The following GPR160 variants were observed in gnomAD, a reference collection of about 807,000 sequenced individuals.
The protein encoded by GPR160 is G protein-coupled receptor 160.
In GPR160, 2 loss-of-function variants were observed where a neutral mutation model predicts 2.6. The ratio of observed to expected loss-of-function variants is 0.77; its 90% CI spans 0.32 to 2.44. The LOEUF (loss-of-function observed/expected upper bound fraction) is 2.44. GPR160 is among the 30% of genes most tolerant of loss of function. GPR160 has a pLI of 0.11. For synonymous variants in GPR160, 130 were observed against 132.2 expected (o/e 0.98, Z 0.12); for missense variants, 351 against 383.6 (o/e 0.91, Z 0.71).
intron 3 of GPR160, among the ~76,000 whole-genome samples, chr3:170,082,186 A>G (rs1475149454): frequency 6.6e-6 from 1 of 152,156 alleles, no homozygotes; most frequent in African/African-American, 2.4e-5. Context: ...GCCTTTTCCT[A>G]TGCATGTATT....
intron 2 of GPR160, among the ~76,000 whole-genome samples, chr3:170,067,212 C>G (rs771085653): frequency 6.6e-6 from 1 of 152,094 alleles, no homozygotes; most frequent in Non-Finnish European, 1.5e-5. Flanking sequence ...GCCATGTTTC[C>G]CAGGCTGGTC....
chr3:170,082,562 A>G (rs762838812), intron 3 of GPR160, among the ~76,000 whole-genome samples: 10 of 152,054 alleles, frequency 6.6e-5, no homozygotes, highest in Non-Finnish European at 1.2e-4. Context: ...AGCATTTCTG[A>G]TAAGGGATAC....
Position 170,038,727 on chromosome 3 carries a change from C to G in GPR160, c.-321-188C>G, listed in dbSNP as rs1329830234. ...CTCCCCTGGCCTCGAGCGTTGGGGA[C>G]GGCGCCCCCGCCCGCGCCCGCCACT... is the stretch of plus-strand genomic sequence containing the variant. On this transcript the variant is annotated intron_variant, in intron 1 of 3. Transcript: ENST00000355897. The surrounding 1 kb of genome is among the most constrained non-coding windows in gnomAD (Gnocchi z 5.3). 1 of 151,778 alleles carries G rather than the reference C, an allele frequency of 6.6e-6. No individual in the cohort carries two copies. Among genetic ancestry groups the G allele is most frequent in the Non-Finnish European group, 1.5e-5 (1 of 67,958 alleles). The allele number at this position is 151,778 out of a possible 1,614,324, so 9.4% of individuals were successfully genotyped here.
intron 2 of GPR160, among the ~76,000 whole-genome samples, chr3:170,044,067 A>G (rs926326495): frequency 2.0e-4 from 30 of 151,698 alleles, no homozygotes; most frequent in African/African-American, 7.3e-4. Context: ...TGCAAGAAAA[A>G]TGGGAAAGAC....
chr3:170,045,875 C>T (rs1452350813), intron 2 of GPR160, among the ~76,000 whole-genome samples: 1 of 152,158 alleles, frequency 6.6e-6, no homozygotes, highest in African/African-American at 2.4e-5. Flanking sequence ...ACCTGTGTGA[C>T]CTTGACTCAT....
intron 2 of GPR160, among the ~76,000 whole-genome samples, chr3:170,058,823 G>A (rs906318586): frequency 1.3e-5 from 2 of 152,082 alleles, no homozygotes; most frequent in African/African-American, 2.4e-5. Flanking sequence ...TAGAACTCTG[G>A]CTGAATAAGC....
At chr3:170,069,744 T>C (rs552531766) in intron 2 of GPR160, among the ~76,000 whole-genome samples, 2 of 152,208 alleles carry the variant, frequency 1.3e-5, no homozygotes, top group Non-Finnish European at 2.9e-5. Flanking sequence ...ACCTATTTCA[T>C]CTGTAAATAT....
intron 3 of GPR160, among the ~76,000 whole-genome samples, chr3:170,081,596 A>G (rs1713130173): frequency 6.6e-6 from 1 of 152,102 alleles, no homozygotes; most frequent in African/African-American, 2.4e-5. Flanking sequence ...TTTTTATTTT[A>G]GGTTCAGGGG....
At position 170,084,958 on chromosome 3, in the gene GPR160, T is replaced by C. The variant is rs968096166; in HGVS notation, c.986T>C (p.Ile329Thr). Residue 329 changes from isoleucine to threonine, a missense_variant, in exon 4 of 4, where the codon ATT (isoleucine) becomes ACT (threonine). Ile to Thr is a moderately conservative substitution (Grantham distance 89). Coordinates refer to ENST00000355897, the MANE Select transcript of GPR160 (RefSeq NM_014373.3). Reference protein sequence around the residue: ...IPLTIPNLEQIEKPISIMIC With the variant: ...IPLTIPNLEQTEKPISIMIC ...CTTACAATTCCTAATCTTGAGCAAA[T>C]TGAAAAGCCTATATCAATAATGATT... 22 of 1,568,428 alleles carry C rather than the reference T, an allele frequency of 1.4e-5. No homozygotes were observed. The highest frequency in any genetic ancestry group is 3.5e-4 in the Middle Eastern group (2 of 5,784).
intron 2 of GPR160, among the ~76,000 whole-genome samples, chr3:170,072,861 T>A (rs1042374028): frequency 4.6e-5 from 7 of 152,096 alleles, no homozygotes; most frequent in African/African-American, 1.7e-4. Flanking sequence ...AACATCCAAA[T>A]AATATCATGA....
At chr3:170,056,581 T>C (rs1260485935) in intron 2 of GPR160, among the ~76,000 whole-genome samples, 1 of 152,198 alleles carries the variant, frequency 6.6e-6, no homozygotes, top group African/African-American at 2.4e-5. Context: ...CATTTAACCT[T>C]TTAGAGGTCA....
rs1712032657 is a variant in GPR160, at chr3:170,062,735, G to C, written c.-192-17039G>C. 5.1e-6 allele frequency: 6 copies of C among 1,168,260 alleles called. No individual in the cohort carries two copies. The South Asian group carries it at 7.5e-5, about 15-fold the overall frequency. 72.4% of individuals were successfully genotyped at this position (1,168,260 alleles called of 1,614,324 possible). ...GCTCAAGGAAAAGTCGCAAACTCACGGATTTCTACCCTGTCCCAAGGAGCT... is the reference window on the plus strand; with the variant it reads ...GCTCAAGGAAAAGTCGCAAACTCACCGATTTCTACCCTGTCCCAAGGAGCT... On this transcript the variant is annotated intron_variant, in intron 2 of 3. Coordinates refer to ENST00000355897, the MANE Select transcript of GPR160 (RefSeq NM_014373.3).
At position 170,084,505 on chromosome 3, in the gene GPR160, T is replaced by A. The variant is rs1713313498; in HGVS notation, c.533T>A (p.Val178Asp). 6.2e-7 allele frequency: 1 copy of A among 1,613,146 alleles called. No individual in the cohort carries two copies. The highest frequency in any genetic ancestry group is 1.3e-5 in the African/African-American group (1 of 74,926). Residue 178 changes from valine to aspartate, a missense_variant, in exon 4 of 4, where the codon GTC (valine) becomes GAC (aspartate). Physicochemically the swap from Val to Asp is radical, Grantham distance 152. Transcript: ENST00000355897. Reference protein sequence around the residue: ...NAYSRHCPFYVSIQSYWLSFF... With the variant: ...NAYSRHCPFYDSIQSYWLSFF... ...TATTCTCGTCACTGTCCTTTCTATG[T>A]CAGCATTCAGAGTTACTGGCTGTCA...
chr3:170,041,930 T>G (rs1478486230), intron 2 of GPR160, among the ~76,000 whole-genome samples: 2 of 152,060 alleles, frequency 1.3e-5, no homozygotes, highest in African/African-American at 4.8e-5. Flanking sequence ...CTCTGGAGAG[T>G]TGATTGCTAA....
intron 2 of GPR160, among the ~76,000 whole-genome samples, chr3:170,054,770 C>T (rs1711545866): frequency 1.3e-5 from 2 of 151,858 alleles, no homozygotes; most frequent in South Asian, 4.1e-4. Flanking sequence ...GGTTCTTCCA[C>T]CTTCAGCATG....
intron 2 of GPR160, among the ~76,000 whole-genome samples, chr3:170,053,087 G>T (rs1331462710): frequency 1.3e-5 from 2 of 152,078 alleles, no homozygotes; most frequent in Admixed American, 6.5e-5. Flanking sequence ...GGTAGTGTAA[G>T]TCGTCCAACT....
At chr3:170,071,693 G>A (rs1478963257) in intron 2 of GPR160, among the ~76,000 whole-genome samples, 4 of 152,164 alleles carry the variant, frequency 2.6e-5, no homozygotes, top group African/African-American at 9.7e-5. Context: ...CTACTCGGGA[G>A]GCTGAGGTAG....
At chr3:170,058,779 G>C (rs565663570) in intron 2 of GPR160, among the ~76,000 whole-genome samples, 1 of 152,134 alleles carries the variant, frequency 6.6e-6, no homozygotes, top group Non-Finnish European at 1.5e-5. Context: ...TTTGCAGATA[G>C]AACAAATTTG....
chr3:170,042,275 G>C (rs541817616), intron 2 of GPR160, among the ~76,000 whole-genome samples: 2 of 151,562 alleles, frequency 1.3e-5, no homozygotes, highest in South Asian at 4.2e-4. Flanking sequence ...ATAAAAATTA[G>C]CCAGGTATGG....
Sources: gnomAD v4.1 joint callset for allele counts (sites outside exome capture counted in the v4.1 genomes callset) on GRCh38, gnomAD v4.1.1 for gene constraint, Gnocchi (gnomAD v3.1) non-coding constraint, MANE v1.5 for transcripts, NCBI Gene and HGNC (gene_info 2026-07-23, HGNC 2026-07-21) for gene names.